Variants in RMST observed in about 807,000 individuals in gnomAD.
RMST encodes the protein rhabdomyosarcoma 2 associated transcript, also known as long intergenic non-protein coding RNA 54.
chr12:97,511,147 CTTCTT>C (rs1248907084), intron 10 of RMST, among the ~76,000 whole-genome samples: 1 of 144,032 alleles, frequency 6.9e-6, no homozygotes, highest in African/African-American at 2.8e-5. Flanking sequence ...ATTGTACTTC[CTTCTT>C]TTTTTTTTTT....
At chr12:97,502,473 A>AT (rs548682934) in intron 10 of RMST, among the ~76,000 whole-genome samples, 17 of 151,814 alleles carry the variant, frequency 1.1e-4, no homozygotes, top group Non-Finnish European at 2.1e-4. Context: ...ATAATAAATG[A>AT]TTTTTTTTGA....
intron 5 of RMST, among the ~76,000 whole-genome samples, chr12:97,477,819 TA>T (rs1284861589): frequency 1.3e-5 from 2 of 152,238 alleles, no homozygotes; most frequent in East Asian, 3.8e-4. Flanking sequence ...TAACTTTATA[TA>T]AAGCTAAAAG....
intron 10 of RMST, among the ~76,000 whole-genome samples, chr12:97,502,993 T>G (rs1878259079): frequency 6.6e-6 from 1 of 152,208 alleles, no homozygotes; most frequent in Admixed American, 6.5e-5. Flanking sequence ...CATGGAATCT[T>G]TCATGTTATT....
intron 11 of RMST, among the ~76,000 whole-genome samples, chr12:97,550,089 C>A (rs534665942): frequency 1.3e-5 from 2 of 152,130 alleles, no homozygotes; most frequent in Non-Finnish European, 2.9e-5. Flanking sequence ...TGGTGAAGCA[C>A]CCTTTCTCAG....
At chr12:97,504,202 G>A (rs1032311573) in intron 10 of RMST, among the ~76,000 whole-genome samples, 6 of 152,084 alleles carry the variant, frequency 3.9e-5, no homozygotes, top group African/African-American at 1.4e-4. Context: ...TCAGGAGTTG[G>A]AGACCAGCCT....
chr12:97,510,168 T>A (rs945816886), intron 10 of RMST, among the ~76,000 whole-genome samples: 4 of 152,216 alleles, frequency 2.6e-5, no homozygotes, highest in African/African-American at 9.6e-5. Context: ...AAGAAATACA[T>A]TTAATTAACT....
At chr12:97,475,864 T>G (rs1377276184) in intron 5 of RMST, among the ~76,000 whole-genome samples, 1 of 152,210 alleles carries the variant, frequency 6.6e-6, no homozygotes, top group Non-Finnish European at 1.5e-5. Flanking sequence ...AGCCCTTGGT[T>G]ATGATATTAG....
chr12:97,471,435 C>T (rs1873899568), intron 5 of RMST, among the ~76,000 whole-genome samples: 1 of 152,106 alleles, frequency 6.6e-6, no homozygotes, highest in Non-Finnish European at 1.5e-5. Context: ...AAAGCTTTGG[C>T]CCTGAGGCTT....
chr12:97,471,518 C>T (rs1228403005), intron 5 of RMST, among the ~76,000 whole-genome samples: 1 of 152,068 alleles, frequency 6.6e-6, no homozygotes, highest in African/African-American at 2.4e-5. Context: ...CTGAACAGCC[C>T]GTGAGAGTTC....
At chr12:97,553,420 T>G (rs1002231624) in intron 11 of RMST, among the ~76,000 whole-genome samples, 2 of 152,204 alleles carry the variant, frequency 1.3e-5, no homozygotes, top group African/African-American at 4.8e-5. Context: ...GTGGTGCTGT[T>G]GAGCTGTGCA....
At chr12:97,505,534 G>A (rs2136492992) in intron 10 of RMST, among the ~76,000 whole-genome samples, 1 of 152,320 alleles carries the variant, frequency 6.6e-6, no homozygotes, top group Middle Eastern at 3.4e-3. Context: ...TTTCTTTCAT[G>A]CAAACCGTAA....
At chr12:97,492,440 C>T (rs76939642) in intron 5 of RMST, 11,930 of 156,922 alleles carry the variant, frequency 0.076, 615 homozygotes, top group Middle Eastern at 0.14. Flanking sequence ...TTTTTTTTAA[C>T]GCTACATTTT....
chr12:97,551,473 T>A (rs1230346529), intron 11 of RMST, among the ~76,000 whole-genome samples: 1 of 152,150 alleles, frequency 6.6e-6, no homozygotes, highest in Admixed American at 6.5e-5. Flanking sequence ...GTAATAATGA[T>A]CAAAACAGAA....
At chr12:97,463,017 G>GTCTCTCCCTCTCTCTCTC (rs1872741645) in intron 3 of RMST, 1 of 129,898 alleles carries the variant, frequency 7.7e-6, no homozygotes, top group Non-Finnish European at 1.7e-5. Flanking sequence ...CAAGTCAGCA[G>GTCTCTCCCTCTCTCTCTC]TCTCTCTCTC....
At chr12:97,516,992 T>A (rs916721515) in intron 10 of RMST, among the ~76,000 whole-genome samples, 2 of 151,994 alleles carry the variant, frequency 1.3e-5, no homozygotes, top group Non-Finnish European at 2.9e-5. Flanking sequence ...ATCTAATGAA[T>A]GATCAAGTAT....
At position 97,558,202 on chromosome 12, in the gene RMST, G is replaced by T. The variant is rs114275269; in HGVS notation, n.1546-2335G>T. On this transcript the variant is annotated intron_variant and non_coding_transcript_variant, in intron 11 of 13. Transcript: ENST00000640149. ...TAAAGCACTGTCCCATTGGGTCTTG[G>T]TCAACAAGTACAGCTTGTTCTCCTT... Among the ~76,000 whole-genome samples the T allele has an allele frequency of 4.0e-3, 615 of 152,222 alleles. 4 individuals carry two copies. Among genetic ancestry groups the T allele is most frequent in the African/African-American group, 0.014 (574 of 41,548 alleles).
chr12:97,508,047 G>A (rs887896645), intron 10 of RMST, among the ~76,000 whole-genome samples: 1 of 152,124 alleles, frequency 6.6e-6, no homozygotes, highest in African/African-American at 2.4e-5. Context: ...AAGACAGGGT[G>A]GAGTAGTATC....
chr12:97,463,601 A>T (rs1418033187), intron 4 of RMST, among the ~76,000 whole-genome samples: 1 of 152,206 alleles, frequency 6.6e-6, no homozygotes, highest in South Asian at 2.1e-4. Context: ...GTAGAAGAGC[A>T]TATGGCCATG....
chr12:97,527,252 A>G (rs1188560508), intron 10 of RMST, among the ~76,000 whole-genome samples: 1 of 152,168 alleles, frequency 6.6e-6, no homozygotes, highest in Non-Finnish European at 1.5e-5. Context: ...AGCCGTGTGG[A>G]TCCAGAATGC....
Sources: allele counts gnomAD v4.1 joint callset (sites outside exome capture counted in the v4.1 genomes callset), GRCh38; gene constraint gnomAD v4.1.1; transcripts MANE v1.5; gene names NCBI Gene and HGNC (gene_info 2026-07-23, HGNC 2026-07-21).